TRIM41: variants seen among roughly 807,000 people sequenced by gnomAD.
The protein encoded by TRIM41 is E3 ubiquitin-protein ligase TRIM41.
In TRIM41, 21 loss-of-function variants were observed where a neutral mutation model predicts 60.6. The observed-to-expected ratio is 0.35, with a 90% CI of 0.25 to 0.50. The LOEUF (loss-of-function observed/expected upper bound fraction) is 0.50, where lower values mean the gene tolerates loss of function less well. Among genes scored for constraint, TRIM41 ranks in the 20% least tolerant of loss-of-function variants. TRIM41 has a pLI of 0.98. For synonymous variants in TRIM41, 407 were observed against 344.9 expected (o/e 1.18, Z -2.00); for missense variants, 846 against 868.3 (o/e 0.97, Z 0.32).
At chr5:181,229,583 G>A in intron 1 of TRIM41, 1 of 152,254 alleles carries the variant, frequency 6.6e-6, no homozygotes, top group East Asian at 1.9e-4. Context: ...TTTGGAAGAG[G>A]GGTTTCGGTG....
chr5:181,230,958 A>G (rs1758772836), intron 2 of TRIM41, 119 bp downstream of exon 2: 2 of 841,718 alleles, frequency 2.4e-6, no homozygotes, highest in Admixed American at 1.8e-5. Flanking sequence ...AAGGCCTGGG[A>G]GAGGGGTAGA....
Position 181,224,090 on chromosome 5 carries a change from G to A in TRIM41, c.91G>A (p.Val31Met). The A allele has an allele frequency of 6.2e-7, 1 of 1,614,246 alleles. No homozygotes were observed. The highest frequency in any genetic ancestry group is 8.5e-7 in the Non-Finnish European group (1 of 1,180,042). Residue 31 changes from valine to methionine, a missense_variant, in exon 1 of 6, where the codon GTG (valine) becomes ATG (methionine). By Grantham distance (21) the Val-to-Met change is conservative (BLOSUM62 1). Coordinates refer to ENST00000315073, the MANE Select transcript of TRIM41 (RefSeq NM_033549.5). ...AICLDYFTDP[V>M]SIGCGHNFCR... ...CTGCCTCGATTACTTCACGGACCCC[G>A]TGTCCATCGGCTGCGGGCACAACTT...
rs1759065954 is a variant in TRIM41 at position 181,235,444 on chromosome 5, C to T, written c.*669C>T. On this transcript the variant is annotated 3_prime_UTR_variant, in exon 6 of 6. Transcript: ENST00000315073. ...CATTACATCATCATTACATTAATTA[C>T]ATCAACATAAATTATTTCTTCCCCC... The T allele has an allele frequency of 4.4e-5, 71 of 1,610,240 alleles. No individual in the cohort carries two copies. The South Asian group carries it at 7.2e-4, about 16-fold the overall frequency.
Position 181,234,674 on chromosome 5 carries a change from C to G in TRIM41, c.1792C>G (p.Leu598Val). The change falls in exon 6 of 6, where the codon CTA becomes GTA. Residue 598 changes from leucine to valine, a missense_variant. Coordinates refer to ENST00000315073, the MANE Select transcript of TRIM41 (RefSeq NM_033549.5). The surrounding 1 kb of genome is among the most constrained non-coding windows in gnomAD (Gnocchi z 5.6). ...GRLGFYNAET[L>V]AHVHTFSAAF... ...CCTGGGCTTCTACAACGCAGAGACT[C>G]TAGCCCACGTGCACACCTTCTCGGC... 6.2e-7 allele frequency: 1 copy of G among 1,614,234 alleles called. No individual in the cohort carries two copies.
In TRIM41 at chr5:181,234,568, G is replaced by A; in HGVS notation, c.1686G>A (p.Gln562=). 1.2e-6 allele frequency: 2 copies of A among 1,614,230 alleles called. No individual in the cohort carries two copies. The highest frequency in any genetic ancestry group is 1.7e-6 in the Non-Finnish European group (2 of 1,180,018). The change falls in exon 6 of 6, where the codon CAG becomes CAA. Residue 562 remains glutamine (Q), a synonymous_variant. Coordinates refer to ENST00000315073, the MANE Select transcript of TRIM41 (RefSeq NM_033549.5). This position sits in a 1 kb window ranked among gnomAD's most constrained non-coding sequence, Gnocchi z 5.6. ...CCAACGGCAAACGCTATCAGGCCCA[G>A]AGCTCCACAGAACAGACGCTGCTGA... ...VGTNGKRYQA[Q]SSTEQTLLSP...
At position 181,233,575 on chromosome 5, in the gene TRIM41, C is replaced by T; in HGVS notation, c.1164-61C>T. ...TGGACCCTCCTCTCCTTCCCCTCAG[C>T]TTTTGCTTTTCCCTCTGGGAATATC... On this transcript the variant is annotated intron_variant, in intron 4 of 5. Transcript: ENST00000315073. This position sits in a 1 kb window ranked among gnomAD's most constrained non-coding sequence, Gnocchi z 4.1. 1 of 1,610,214 alleles carries T rather than the reference C, an allele frequency of 6.2e-7. No homozygotes were observed. Among genetic ancestry groups the T allele is most frequent in the Non-Finnish European group, 8.5e-7 (1 of 1,177,162 alleles).
In TRIM41 at chr5:181,224,272, C is replaced by T; in HGVS notation, c.273C>T (p.Tyr91=). ...GWDTPMRDED[Y]EGDMEEEVEE... ...ACACCCCCATGCGGGATGAAGACTACGAGGGTGACATGGAGGAGGAGGTCG... is the reference window on the plus strand; with the variant it reads ...ACACCCCCATGCGGGATGAAGACTATGAGGGTGACATGGAGGAGGAGGTCG... Residue 91 remains tyrosine, a synonymous_variant, in exon 1 of 6, where the codon TAC becomes TAT. Transcript: ENST00000315073. 1 of 1,613,792 alleles carries T rather than the reference C, an allele frequency of 6.2e-7. No individual in the cohort carries two copies. Among genetic ancestry groups the T allele is most frequent in the Middle Eastern group, 1.6e-4 (1 of 6,062 alleles).
At position 181,235,511 on chromosome 5, in the gene TRIM41, AC is replaced by A. The variant is rs1759069599; in HGVS notation, c.*740del. The A allele has an allele frequency of 1.5e-6, 2 of 1,352,136 alleles. No homozygotes were observed. Among genetic ancestry groups the A allele is most frequent in the Non-Finnish European group, 1.0e-6 (1 of 977,548 alleles). 83.8% of individuals were successfully genotyped at this position (1,352,136 alleles called of 1,614,324 possible). On this transcript the variant is annotated 3_prime_UTR_variant, in exon 6 of 6. Coordinates refer to ENST00000315073, the MANE Select transcript of TRIM41 (RefSeq NM_033549.5). The stretch of plus-strand genomic sequence containing the variant: ...TCAACCAAGGAGCAAAGCTCATCCC[AC>A]CCCACACCCCTCCCAGGTCTGCTCA...
chr5:181,230,496 CAAAAAAAAAAA>C (rs60815823), intron 1 of TRIM41: 96 of 43,722 alleles, frequency 2.2e-3, no homozygotes, highest in South Asian at 5.2e-3. Context: ...GACTCTGTCT[CAAAAAAAAAAA>C]AAAAAAAAAA....
chr5:181,235,228 G>A lies in TRIM41; in HGVS notation c.*453G>A. ...CCATTTTCTGATGCAGATTTTAGCT[G>A]AGGGATTTGGAAGCCATTTGGGGAG... is the stretch of plus-strand genomic sequence containing the variant. On this transcript the variant is annotated 3_prime_UTR_variant, in exon 6 of 6. Coordinates refer to ENST00000315073, the MANE Select transcript of TRIM41 (RefSeq NM_033549.5). The A allele has an allele frequency of 3.2e-6, 5 of 1,583,094 alleles. No individual in the cohort carries two copies. Among genetic ancestry groups the A allele is most frequent in the Non-Finnish European group, 4.3e-6 (5 of 1,161,920 alleles).
At position 181,235,805 on chromosome 5, in the gene TRIM41, C is replaced by T. The variant is rs1759091148; in HGVS notation, c.*1030C>T. 3 of 201,166 alleles carry T rather than the reference C, an allele frequency of 1.5e-5. No homozygotes were observed. Among genetic ancestry groups the T allele is most frequent in the Non-Finnish European group, 3.1e-5 (3 of 95,564 alleles). The allele number at this position is 201,166 out of a possible 1,614,324, so 12.5% of individuals were successfully genotyped here. ...GTGGAAATAAAATGTTTATTTGCTTCTCTTGTGAGGTCTGTTCCTTCAGGT... is the reference window on the plus strand; with the variant it reads ...GTGGAAATAAAATGTTTATTTGCTTTTCTTGTGAGGTCTGTTCCTTCAGGT... On this transcript the variant is annotated 3_prime_UTR_variant, in exon 6 of 6. Transcript: ENST00000315073.
In TRIM41 at chr5:181,233,042, C is replaced by CA. The variant is rs1280921067; in HGVS notation, c.1140+154dup. 1 of 824,042 alleles carries CA rather than the reference C, an allele frequency of 1.2e-6. No homozygotes were observed. 51.0% of individuals were successfully genotyped at this position (824,042 alleles called of 1,614,324 possible). A position where few individuals can be genotyped will look rare whatever the true frequency, so the allele number is the denominator to read the frequency against. On this transcript the variant is annotated intron_variant, in intron 3 of 5. Coordinates refer to ENST00000315073, the MANE Select transcript of TRIM41 (RefSeq NM_033549.5). The surrounding 1 kb of genome is among the most constrained non-coding windows in gnomAD (Gnocchi z 4.1). The stretch of plus-strand genomic sequence containing the variant: ...CAAAAACATGTTTTAAAGCTGGAAA[C>CA]AGAGTTAATGTCGAATGTGGTATGT...
chr5:181,235,179 C>G lies in TRIM41; in HGVS notation c.*404C>G. On this transcript the variant is annotated 3_prime_UTR_variant, in exon 6 of 6. Coordinates refer to ENST00000315073, the MANE Select transcript of TRIM41 (RefSeq NM_033549.5). ...CAGTTCTGAGGCTGGAGGGTTTGGG[C>G]AAGGCAACATCCCCATTCCAATTCC... 2 of 1,536,110 alleles carry G rather than the reference C, an allele frequency of 1.3e-6. No individual in the cohort carries two copies. Among genetic ancestry groups the G allele is most frequent in the South Asian group, 2.5e-5 (2 of 80,968 alleles).
chr5:181,228,898 C>CA (rs2113162839), intron 1 of TRIM41: 1 of 128,846 alleles, frequency 7.8e-6, no homozygotes, highest in South Asian at 2.5e-4. Context: ...GGCACTGCTG[C>CA]ACTCCATTCT....
Position 181,232,857 on chromosome 5 carries a change from C to T in TRIM41, c.1108C>T (p.Arg370Trp), listed in dbSNP as rs1326137571. Reference sequence around the variant, plus strand: ...CCGCCTGCTGGCAGAGGCCCAGGAGCGGAGCCAGCAGGGGGGTCTCCGGCT... The same window carrying T: ...CCGCCTGCTGGCAGAGGCCCAGGAGTGGAGCCAGCAGGGGGGTCTCCGGCT... ...LSRLLAEAQE[R>W]SQQGGLRLLQ... The change falls in exon 3 of 6, where the codon CGG (arginine) becomes TGG (tryptophan). Residue 370 changes from arginine to tryptophan, a missense_variant. Physicochemically the swap from Arg to Trp is moderately radical, Grantham distance 101 (BLOSUM62 -3). Transcript: ENST00000315073. 9 of 1,549,018 alleles carry T rather than the reference C, an allele frequency of 5.8e-6. No individual in the cohort carries two copies. The highest frequency in any genetic ancestry group is 2.4e-5 in the East Asian group (1 of 41,352).
rs551860413 is a variant in TRIM41 at position 181,234,096 on chromosome 5, G to T, written c.1292-78G>T. On this transcript the variant is annotated intron_variant, in intron 5 of 5. Transcript: ENST00000315073. The surrounding 1 kb of genome is among the most constrained non-coding windows in gnomAD (Gnocchi z 5.6). ...GGAGCTGGATTCAGGGAGAAAGGGGGCCCAATCTGTGGAGTTGGCTGCTGA... is the reference window on the plus strand; with the variant it reads ...GGAGCTGGATTCAGGGAGAAAGGGGTCCCAATCTGTGGAGTTGGCTGCTGA... 2.8e-5 allele frequency: 45 copies of T among 1,596,678 alleles called. No individual in the cohort carries two copies. Among genetic ancestry groups the T allele is most frequent in the Admixed American group, 1.7e-5 (1 of 59,954 alleles).
In TRIM41 at chr5:181,234,634, C is replaced by T; in HGVS notation, c.1752C>T (p.Asp584=). Residue 584 remains aspartate, a synonymous_variant, in exon 6 of 6, where the codon GAC becomes GAT. Transcript: ENST00000315073. The surrounding 1 kb of genome is among the most constrained non-coding windows in gnomAD (Gnocchi z 5.6). ...EKPRRFGVYL[D]YEAGRLGFYN... ...CAAGGCGCTTTGGTGTGTACCTGGA[C>T]TATGAAGCTGGGCGCCTGGGCTTCT... 1 of 1,614,248 alleles carries T rather than the reference C, an allele frequency of 6.2e-7. No homozygotes were observed. The highest frequency in any genetic ancestry group is 8.5e-7 in the Non-Finnish European group (1 of 1,180,040).
chr5:181,234,423 G>A lies in TRIM41; in HGVS notation c.1541G>A (p.Gly514Asp), dbSNP rs1334040731. The change falls in exon 6 of 6, where the codon GGC becomes GAC. Residue 514 changes from glycine (G) to aspartate (D), a missense_variant. Physicochemically the swap from Gly to Asp is moderately conservative, Grantham distance 94. Transcript: ENST00000315073. This position sits in a 1 kb window ranked among gnomAD's most constrained non-coding sequence, Gnocchi z 5.6. The stretch of plus-strand genomic sequence containing the variant: ...TCAACCCATCATAAGGAAAAGGTGG[G>A]CCCTGGGGGTTCCTCCGTGGGCAGC... ...RESTHHKEKV[G>D]PGGSSVGSGD... The A allele has an allele frequency of 1.9e-6, 3 of 1,589,032 alleles. No individual in the cohort carries two copies. The highest frequency in any genetic ancestry group is 2.7e-5 in the African/African-American group (2 of 74,212).
chr5:181,224,942 T>G, intron 1 of TRIM41, 130 bp downstream of exon 1: 1 of 1,200,616 alleles, frequency 8.3e-7, no homozygotes, highest in Non-Finnish European at 1.2e-6. Context: ...AGTTTGCTTA[T>G]CTAAGCACTT....
Sources: gnomAD v4.1 joint callset for allele counts on GRCh38, gnomAD v4.1.1 for gene constraint, Gnocchi (gnomAD v3.1) non-coding constraint, MANE v1.5 for transcripts, NCBI Gene and HGNC (gene_info 2026-07-23, HGNC 2026-07-21) for gene names.